TMEM117: variants seen among roughly 807,000 people sequenced by gnomAD.
TMEM117 encodes transmembrane protein 117.
In TMEM117, 27 loss-of-function variants were observed where a neutral mutation model predicts 52.4. The ratio of observed to expected loss-of-function variants is 0.51; its 90% CI spans 0.38 to 0.71. The LOEUF (loss-of-function observed/expected upper bound fraction) is 0.71, where lower values mean the gene tolerates loss of function less well. Among genes scored for constraint, TMEM117 ranks in the 30% least tolerant of loss-of-function variants. The probability of loss-of-function intolerance (pLI) is 0.00; values close to 1 mark genes in which losing one functional copy is unlikely to be tolerated. For synonymous variants in TMEM117, 215 were observed against 206.3 expected, an observed-to-expected ratio of 1.04 and a Z score of -0.36; for missense variants, 556 against 630.5, an observed-to-expected ratio of 0.88 and a Z score of 1.26.
chr12:43,843,466 G>A (rs927488703), intron 1 of TMEM117, among the ~76,000 whole-genome samples: 4 of 152,202 alleles, frequency 2.6e-5, no homozygotes, highest in African/African-American at 9.7e-5. Flanking sequence ...TTCCCAAAGA[G>A]GGGAGAAGGA....
At chr12:43,799,539 T>C in the TMEM117 span, 3 of 1,239,612 alleles carry the variant, frequency 2.4e-6, no homozygotes, top group East Asian at 2.6e-5. Flanking sequence ...AGTAATTCTC[T>C]AGAAGTAAAA....
Position 44,343,199 on chromosome 12 carries a change from C to T in TMEM117, c.769-33396C>T, listed in dbSNP as rs527935747. ...AACTCCTGACCTCAAGTGATCTGCC[C>T]ACCTTGGCCTCCCAAAGTGCTGGGA... On this transcript the variant is annotated intron_variant, in intron 6 of 7. Coordinates refer to ENST00000266534, the MANE Select transcript of TMEM117 (RefSeq NM_032256.3). Among the ~76,000 whole-genome samples, 17 of 152,016 alleles carry T rather than the reference C, an allele frequency of 1.1e-4. No individual in the cohort carries two copies. In the South Asian group the frequency reaches 2.1e-3, roughly 19 times the overall value.
chr12:44,251,899 A>G (rs574657085), intron 5 of TMEM117, among the ~76,000 whole-genome samples: 1 of 152,268 alleles, frequency 6.6e-6, no homozygotes, highest in East Asian at 1.9e-4. Flanking sequence ...CTTAGTGGTA[A>G]CTTCCTACCC....
intron 4 of TMEM117, among the ~76,000 whole-genome samples, chr12:44,194,162 T>C (rs1949389282): frequency 6.6e-6 from 1 of 152,170 alleles, no homozygotes; most frequent in African/African-American, 2.4e-5. Context: ...AAAGTTCAGT[T>C]GTGGGTTAAA....
intron 2 of TMEM117, among the ~76,000 whole-genome samples, chr12:43,892,741 T>G (rs1425695768): frequency 6.6e-6 from 1 of 152,144 alleles, no homozygotes; most frequent in Non-Finnish European, 1.5e-5. Context: ...ATAAACAAAA[T>G]AGATAAAATC....
At chr12:44,148,692 C>G (rs887040733) in intron 4 of TMEM117, among the ~76,000 whole-genome samples, 1 of 152,134 alleles carries the variant, frequency 6.6e-6, no homozygotes, top group African/African-American at 2.4e-5. Context: ...CTCTTCCTGA[C>G]TTGACTAGAA....
intron 3 of TMEM117, among the ~76,000 whole-genome samples, chr12:44,005,566 G>A (rs528703692): frequency 6.6e-6 from 1 of 152,268 alleles, no homozygotes; most frequent in East Asian, 1.9e-4. Flanking sequence ...TTTCCTGCTG[G>A]TATTAGCTGT....
chr12:44,300,947 T>C (rs74555841), intron 6 of TMEM117, among the ~76,000 whole-genome samples: 2,877 of 152,304 alleles, frequency 0.019, 90 homozygotes, highest in African/African-American at 0.064. Context: ...TTAGCACTTA[T>C]GCAATAATGT....
intron 6 of TMEM117, among the ~76,000 whole-genome samples, chr12:44,351,061 A>G (rs1951555620): frequency 6.6e-6 from 1 of 152,044 alleles, no homozygotes; most frequent in Non-Finnish European, 1.5e-5. Flanking sequence ...AACCATTTTT[A>G]ACTGGAGTGA....
upstream of TMEM117, among the ~76,000 whole-genome samples, chr12:43,833,471 AT>A (rs777956832): frequency 1.3e-5 from 2 of 151,988 alleles, no homozygotes; most frequent in African/African-American, 2.4e-5. Context: ...CCCTTATTTT[AT>A]TTTGTCTGGA....
At chr12:43,973,845 G>A (rs1318946258) in intron 3 of TMEM117, among the ~76,000 whole-genome samples, 2 of 152,114 alleles carry the variant, frequency 1.3e-5, no homozygotes, top group African/African-American at 4.8e-5. Flanking sequence ...TCCTAAATCA[G>A]GATCATAACC....
At chr12:44,249,029 G>A (rs985244475) in intron 5 of TMEM117, 1 of 152,212 alleles carries the variant, frequency 6.6e-6, no homozygotes, top group African/African-American at 2.4e-5. Flanking sequence ...TCTGCAAGTT[G>A]TACAGGAAGC....
chr12:43,944,639 A>C (rs1945099752), intron 3 of TMEM117, among the ~76,000 whole-genome samples: 1 of 152,120 alleles, frequency 6.6e-6, no homozygotes, highest in Non-Finnish European at 1.5e-5. Context: ...GAATCAGGAA[A>C]TCTTATTGAT....
intron 5 of TMEM117, among the ~76,000 whole-genome samples, chr12:44,280,126 C>T (rs1029804843): frequency 1.4e-4 from 21 of 152,132 alleles, no homozygotes; most frequent in South Asian, 2.1e-4. Context: ...ATTCATTCAT[C>T]GCTGTGACTT....
chr12:44,236,185 T>TAGAG (rs1491377959), intron 5 of TMEM117, among the ~76,000 whole-genome samples: 1 of 145,234 alleles, frequency 6.9e-6, no homozygotes, highest in Non-Finnish European at 1.5e-5. Context: ...TATATATATA[T>TAGAG]ATAGAGAGAG....
At chr12:44,252,025 A>G (rs1395743578) in intron 5 of TMEM117, among the ~76,000 whole-genome samples, 1 of 152,192 alleles carries the variant, frequency 6.6e-6, no homozygotes, top group African/African-American at 2.4e-5. Flanking sequence ...TACAGCATCT[A>G]GCTCATCCTT....
At position 44,298,427 on chromosome 12, in the gene TMEM117, T is replaced by C. The variant is rs539335107; in HGVS notation, c.609-1153T>C. Among the ~76,000 whole-genome samples, 3 of 149,432 alleles carry C rather than the reference T, an allele frequency of 2.0e-5. No individual in the cohort carries two copies. The South Asian group carries it at 6.3e-4, about 31-fold the overall frequency. ...TATTTCAAGTAATTGTTTTTTTTTTTCTTCTTATAATTCTAAACAATATCT... is the reference window on the plus strand; with the variant it reads ...TATTTCAAGTAATTGTTTTTTTTTTCCTTCTTATAATTCTAAACAATATCT... On this transcript the variant is annotated intron_variant, in intron 5 of 7. Transcript: ENST00000266534.
intron 5 of TMEM117, chr12:44,244,470 C>G (rs1250981261): frequency 6.6e-6 from 1 of 151,894 alleles, no homozygotes; most frequent in African/African-American, 2.4e-5. Context: ...CAAAACAATT[C>G]AACATTAGGC....
chr12:44,181,765 T>C (rs974058531), intron 4 of TMEM117, among the ~76,000 whole-genome samples: 1 of 150,620 alleles, frequency 6.6e-6, no homozygotes, highest in Non-Finnish European at 1.5e-5. Context: ...AGCCTTGTAG[T>C]ATAGTTTGAA....
Sources: allele counts gnomAD v4.1 joint callset (sites outside exome capture counted in the v4.1 genomes callset), GRCh38; gene constraint gnomAD v4.1.1; transcripts MANE v1.5; gene names NCBI Gene and HGNC (gene_info 2026-07-23, HGNC 2026-07-21).